The following HPSE2 variants were observed in gnomAD, a reference collection of about 807,000 sequenced individuals.
The protein encoded by HPSE2 is heparanase 2 (inactive), also known as inactive heparanase-2.
HPSE2 carries 38 observed loss-of-function variants against 60.5 expected under a neutral mutation model. That is an observed-to-expected ratio of 0.63 (90% confidence interval 0.48 to 0.82). The LOEUF (loss-of-function observed/expected upper bound fraction) is 0.82, where lower values mean the gene tolerates loss of function less well. Ranked by LOEUF, HPSE2 falls within the 40% of genes least tolerant of loss-of-function variation. The pLI is 0.00. For synonymous variants in HPSE2, 295 were observed against 293.2 expected (o/e 1.01, Z -0.06); for missense variants, 713 against 740.4 (o/e 0.96, Z 0.43).
intron 3 of HPSE2, among the ~76,000 whole-genome samples, chr10:98,822,475 A>C (rs1355703094): frequency 2.6e-5 from 4 of 152,222 alleles, no homozygotes; most frequent in African/African-American, 7.2e-5. Context: ...GAGAAAATGA[A>C]ATACTAAGCA....
intron 3 of HPSE2, among the ~76,000 whole-genome samples, chr10:98,842,248 T>C (rs1017139536): frequency 6.6e-6 from 1 of 152,216 alleles, no homozygotes; most frequent in Non-Finnish European, 1.5e-5. Context: ...TTGAAGTATA[T>C]GTAGAACATC....
At chr10:99,170,055 G>A (rs936272865) in intron 2 of HPSE2, among the ~76,000 whole-genome samples, 3 of 152,126 alleles carry the variant, frequency 2.0e-5, no homozygotes, top group Admixed American at 6.5e-5. Flanking sequence ...GGCAGAATTT[G>A]GTCTGCAGAC....
At chr10:98,838,238 T>C (rs1357370073) in intron 3 of HPSE2, among the ~76,000 whole-genome samples, 1 of 152,172 alleles carries the variant, frequency 6.6e-6, no homozygotes, top group African/African-American at 2.4e-5. Context: ...TGTATAACCA[T>C]AGACAAATTA....
intron 9 of HPSE2, among the ~76,000 whole-genome samples, chr10:98,503,104 C>T (rs1282778212): frequency 6.6e-6 from 1 of 151,366 alleles, no homozygotes; most frequent in Non-Finnish European, 1.5e-5. Flanking sequence ...CTCAGCTACT[C>T]AGGAGGCTGA....
At chr10:99,055,854 C>A (rs547404124) in intron 3 of HPSE2, among the ~76,000 whole-genome samples, 3 of 152,004 alleles carry the variant, frequency 2.0e-5, no homozygotes, top group Admixed American at 6.6e-5. Flanking sequence ...CAGCTTTAAG[C>A]GCCTATATTA....
intron 11 of HPSE2, among the ~76,000 whole-genome samples, chr10:98,464,662 G>C (rs1386923909): frequency 6.6e-6 from 1 of 152,242 alleles, no homozygotes; most frequent in Non-Finnish European, 1.5e-5. Flanking sequence ...GCTTGGCACA[G>C]AGTAGGGGCT....
chr10:98,866,308 A>T (rs10883222), intron 3 of HPSE2, among the ~76,000 whole-genome samples: 72,070 of 151,882 alleles, frequency 0.47, 19,534 homozygotes, highest in Non-Finnish European at 0.61. Flanking sequence ...TATTAGAAAC[A>T]ATCCAAAATG....
intron 3 of HPSE2, among the ~76,000 whole-genome samples, chr10:98,853,020 CA>C (rs1269964637): frequency 6.6e-6 from 1 of 152,106 alleles, no homozygotes; most frequent in Non-Finnish European, 1.5e-5. Context: ...GACTGAGCTA[CA>C]AAACAAAAGT....
At chr10:98,523,605 T>C (rs943600844) in intron 9 of HPSE2, among the ~76,000 whole-genome samples, 3 of 152,204 alleles carry the variant, frequency 2.0e-5, no homozygotes, top group East Asian at 3.8e-4. Flanking sequence ...ATGACATCAA[T>C]CTTGAATTGC....
intron 3 of HPSE2, among the ~76,000 whole-genome samples, chr10:98,927,220 T>A (rs892676630): frequency 6.6e-6 from 1 of 152,140 alleles, no homozygotes; most frequent in African/African-American, 2.4e-5. Context: ...CAGTCTCCCA[T>A]TATTAATGTG....
intron 3 of HPSE2, among the ~76,000 whole-genome samples, chr10:99,014,196 C>T (rs971673648): frequency 1.3e-5 from 2 of 152,210 alleles, no homozygotes; most frequent in Non-Finnish European, 1.5e-5. Context: ...TTGTCTGCAA[C>T]GAGCCTCGCA....
In HPSE2 at chr10:98,915,437, G is replaced by A. The variant is rs191793851; in HGVS notation, c.611-171381C>T. 3.0e-3 allele frequency among the ~76,000 whole-genome samples: 450 copies of A among 152,120 alleles called. 1 individual carries two copies. Among genetic ancestry groups the A allele is most frequent in the African/African-American group, 0.01 (425 of 41,492 alleles). ...GCTGGGATTATAGGTGTGAGCCACC[G>A]CGCCCAGCCCAATTTTCCATTTTTT... On this transcript the variant is annotated intron_variant, in intron 3 of 11. Coordinates refer to ENST00000370552, the MANE Select transcript of HPSE2 (RefSeq NM_021828.5).
At chr10:98,955,015 T>A (rs1040719253) in intron 3 of HPSE2, among the ~76,000 whole-genome samples, 6 of 149,096 alleles carry the variant, frequency 4.0e-5, no homozygotes, top group Non-Finnish European at 8.9e-5. Flanking sequence ...TATATAACTC[T>A]AAGGCTAGAA....
intron 11 of HPSE2, among the ~76,000 whole-genome samples, chr10:98,467,895 C>T (rs1435794741): frequency 6.6e-6 from 1 of 152,240 alleles, no homozygotes; most frequent in Non-Finnish European, 1.5e-5. Context: ...GCAGGGGTGC[C>T]GGCTTCCCGG....
intron 3 of HPSE2, among the ~76,000 whole-genome samples, chr10:99,095,226 G>A (rs966640837): frequency 2.0e-5 from 3 of 152,018 alleles, no homozygotes. Flanking sequence ...TATGAGAAAA[G>A]TTGTTTTGGT....
At chr10:99,167,845 A>C (rs945958799) in intron 2 of HPSE2, among the ~76,000 whole-genome samples, 10 of 152,044 alleles carry the variant, frequency 6.6e-5, no homozygotes, top group African/African-American at 2.2e-4. Flanking sequence ...CTGATATCTT[A>C]ATAATACTGA....
At chr10:98,813,139 T>C (rs538304139) in intron 3 of HPSE2, among the ~76,000 whole-genome samples, 48 of 152,264 alleles carry the variant, frequency 3.2e-4, no homozygotes, top group Non-Finnish European at 5.6e-4. Context: ...CCCAATGACC[T>C]TGCTTTCTTC....
intron 3 of HPSE2, among the ~76,000 whole-genome samples, chr10:99,124,530 C>T (rs1274562882): frequency 2.6e-5 from 4 of 152,348 alleles, no homozygotes; most frequent in East Asian, 1.9e-4. Flanking sequence ...CTCCCTCAGG[C>T]TCCCTCCTGT....
rs748245201 is a variant in HPSE2, at chr10:98,620,733, G to C, written c.1099-25C>G. 2.7e-6 allele frequency: 4 copies of C among 1,490,174 alleles called. No individual in the cohort carries two copies. The South Asian group carries it at 4.6e-5, about 17-fold the overall frequency. The allele number at this position is 1,490,174 out of a possible 1,614,324, so 92.3% of individuals were successfully genotyped here. A position where few individuals can be genotyped will look rare whatever the true frequency, so the allele number is the denominator to read the frequency against. ...CCTGTTTACACAACAAAAGCAGAAG[G>C]GGATAACGAGGTTTTAAAAGCTATT... On this transcript the variant is annotated intron_variant, in intron 7 of 11. Transcript: ENST00000370552.
Sources: gnomAD v4.1 joint callset for allele counts (sites outside exome capture counted in the v4.1 genomes callset) on GRCh38, gnomAD v4.1.1 for gene constraint, MANE v1.5 for transcripts, NCBI Gene and HGNC (gene_info 2026-07-23, HGNC 2026-07-21) for gene names.